CSMD1: variants seen among roughly 807,000 people sequenced by gnomAD.
The protein encoded by CSMD1 is CUB and Sushi multiple domains 1.
A neutral mutation model predicts 417.5 loss-of-function variants in CSMD1; 213 were observed. The ratio of observed to expected loss-of-function variants is 0.51; its 90% confidence interval spans 0.46 to 0.57. The LOEUF (loss-of-function observed/expected upper bound fraction) is 0.57. Among genes scored for constraint, CSMD1 ranks in the 20% least tolerant of loss-of-function variants. The pLI is 0.00. For missense variants in CSMD1, 6,923 were observed against 4,529.7 expected (o/e 1.53, Z -15.17); for synonymous variants, 2,862 against 1,736.8 (o/e 1.65, Z -16.11).
chr8:3,296,330 C>T (rs74768226), intron 25 of CSMD1, among the ~76,000 whole-genome samples: 5,538 of 151,608 alleles, frequency 0.037, 346 homozygotes, highest in African/African-American at 0.12. Flanking sequence ...TTGAGGACAG[C>T]CAGGAGCCAG....
chr8:4,484,930 G>GCA (rs1801291564), intron 2 of CSMD1, among the ~76,000 whole-genome samples: 1 of 137,622 alleles, frequency 7.3e-6, no homozygotes, highest in Non-Finnish European at 1.5e-5. Flanking sequence ...CCGAGATCGT[G>GCA]CCACTGCACT....
At chr8:4,189,316 G>A (rs1453644297) in intron 3 of CSMD1, among the ~76,000 whole-genome samples, 1 of 152,168 alleles carries the variant, frequency 6.6e-6, no homozygotes, top group Non-Finnish European at 1.5e-5. Flanking sequence ...AAATCAAGAT[G>A]AAGCCTGGTG....
In CSMD1 at chr8:3,566,589, G is replaced by GAA. The variant is rs71203448; in HGVS notation, c.1344+8354_1344+8355dup. Among the ~76,000 whole-genome samples the GAA allele has an allele frequency of 3.2e-3, 484 of 150,118 alleles. 2 individuals carry two copies. The highest frequency in any genetic ancestry group is 0.01 in the Middle Eastern group (3 of 292). ...ATTGAAAAAGAACTTAGATTTTCAA[G>GAA]AAAAAAAAACCATTAAAAAGTGGGC... On this transcript the variant is annotated intron_variant, in intron 10 of 69. Coordinates refer to ENST00000635120, the MANE Select transcript of CSMD1 (RefSeq NM_033225.6).
intron 50 of CSMD1, among the ~76,000 whole-genome samples, chr8:3,036,423 C>T (rs1810677960): frequency 6.6e-6 from 1 of 152,104 alleles, no homozygotes; most frequent in South Asian, 2.1e-4. Context: ...CCCTATCGTA[C>T]TCAATGTGGG....
At position 4,069,416 on chromosome 8, in the gene CSMD1, G is replaced by C. The variant is rs1799429259; in HGVS notation, c.416-37317C>G. On this transcript the variant is annotated intron_variant, in intron 3 of 69. Transcript: ENST00000635120. ...TTTCTGAGTTTTCCGAGTTTTCCAT[G>C]AGCATCTATGATATTCACCGTAAAG... Among the ~76,000 whole-genome samples the C allele has an allele frequency of 2.0e-5, 3 of 152,082 alleles. No individual in the cohort carries two copies. The South Asian group carries it at 6.2e-4, about 32-fold the overall frequency.
intron 18 of CSMD1, among the ~76,000 whole-genome samples, chr8:3,382,148 G>A (rs963453864): frequency 1.3e-5 from 2 of 151,802 alleles, no homozygotes; most frequent in Admixed American, 1.3e-4. Context: ...AATCCCGGCT[G>A]CTCGGGAGGC....
chr8:3,389,889 G>A (rs80243091), intron 17 of CSMD1, among the ~76,000 whole-genome samples: 33,055 of 152,088 alleles, frequency 0.22, 3,826 homozygotes, highest in Admixed American at 0.24. Flanking sequence ...CACCACTATT[G>A]AATTTTGAAA....
chr8:3,774,789 G>C (rs567103248), intron 5 of CSMD1, among the ~76,000 whole-genome samples: 11 of 152,240 alleles, frequency 7.2e-5, no homozygotes, highest in African/African-American at 2.6e-4. Context: ...CACAGTGTCC[G>C]TTTTTAAGCC....
chr8:3,339,839 G>A (rs1366215566), intron 23 of CSMD1, among the ~76,000 whole-genome samples: 1 of 152,132 alleles, frequency 6.6e-6, no homozygotes, highest in African/African-American at 2.4e-5. Flanking sequence ...TATGGGTTAT[G>A]GCTCCATTGG....
intron 10 of CSMD1, among the ~76,000 whole-genome samples, chr8:3,564,810 A>C (rs12675134): frequency 0.55 from 83,010 of 151,372 alleles, 22,918 homozygotes; most frequent in Middle Eastern, 0.59. Context: ...AGAGGGAAGT[A>C]GTCACCAAAA....
At chr8:4,849,280 G>C (rs954547423) in intron 1 of CSMD1, among the ~76,000 whole-genome samples, 8 of 152,014 alleles carry the variant, frequency 5.3e-5, no homozygotes, top group Non-Finnish European at 1.2e-4. Context: ...ATTTTAATGT[G>C]TTATTACAAA....
intron 65 of CSMD1, among the ~76,000 whole-genome samples, chr8:2,952,195 A>T (rs1210353032): frequency 6.6e-6 from 1 of 152,200 alleles, no homozygotes; most frequent in Non-Finnish European, 1.5e-5. Context: ...TGAATTATTT[A>T]ATTAGATAAG....
At chr8:4,921,457 C>G (rs1384897694) in intron 1 of CSMD1, among the ~76,000 whole-genome samples, 1 of 152,136 alleles carries the variant, frequency 6.6e-6, no homozygotes, top group Non-Finnish European at 1.5e-5. Flanking sequence ...ATAAGAATGT[C>G]TTTATACTGT....
intron 6 of CSMD1, among the ~76,000 whole-genome samples, chr8:3,722,274 C>A (rs988698294): frequency 1.3e-5 from 2 of 152,138 alleles, no homozygotes; most frequent in Non-Finnish European, 2.9e-5. Flanking sequence ...CACCACTGCA[C>A]TCCAGCCTGG....
At chr8:4,476,870 T>C (rs1800828864) in intron 2 of CSMD1, among the ~76,000 whole-genome samples, 1 of 152,124 alleles carries the variant, frequency 6.6e-6, no homozygotes, top group South Asian at 2.1e-4. Context: ...AAACATAAAC[T>C]ACAGGCTTTT....
chr8:3,601,042 C>T (rs1801337364), intron 8 of CSMD1, among the ~76,000 whole-genome samples: 1 of 152,122 alleles, frequency 6.6e-6, no homozygotes, highest in Non-Finnish European at 1.5e-5. Context: ...ATTTTTCATT[C>T]ATCCCGCATG....
rs552204052 is a variant in CSMD1, at chr8:4,518,295, G to T, written c.303-98230C>A. Among the ~76,000 whole-genome samples the T allele has an allele frequency of 2.0e-5, 3 of 152,188 alleles. No homozygotes were observed. The East Asian group carries it at 5.8e-4, about 29-fold the overall frequency. On this transcript the variant is annotated intron_variant, in intron 2 of 69. Transcript: ENST00000635120. ...TCCGACGCCCAGCAGCAGCAGCAGA[G>T]TGAGGTAAAAGCGCAAAGCTTCCAT... is the stretch of plus-strand genomic sequence containing the variant.
intron 10 of CSMD1, among the ~76,000 whole-genome samples, chr8:3,523,589 A>C (rs1423805875): frequency 1.3e-5 from 2 of 152,128 alleles, no homozygotes; most frequent in Non-Finnish European, 2.9e-5. Flanking sequence ...ACACACAGAC[A>C]TATGCACACA....
chr8:3,674,052 G>C (rs1585054814), intron 7 of CSMD1, among the ~76,000 whole-genome samples: 1 of 152,140 alleles, frequency 6.6e-6, no homozygotes, highest in South Asian at 2.1e-4. Flanking sequence ...GTTGCAATGA[G>C]CCATGATAAT....
Sources: allele counts gnomAD v4.1 joint callset (sites outside exome capture counted in the v4.1 genomes callset), GRCh38; gene constraint gnomAD v4.1.1; transcripts MANE v1.5; gene names NCBI Gene and HGNC (gene_info 2026-07-23, HGNC 2026-07-21).